The following HTRA1 variants were observed in gnomAD, a reference collection of about 807,000 sequenced individuals.
HTRA1 encodes serine protease HTRA1.
Under a neutral mutation model 49.7 loss-of-function variants are expected in HTRA1, and 26 were observed. The observed-to-expected ratio is 0.52, with a 90% CI of 0.38 to 0.73. The LOEUF (loss-of-function observed/expected upper bound fraction) is 0.73, where lower values mean the gene tolerates loss of function less well. Ranked by LOEUF, HTRA1 falls within the 30% of genes least tolerant of loss-of-function variation. HTRA1 has a pLI of 0.00. For synonymous variants in HTRA1, 291 were observed against 286.9 expected (o/e 1.01, Z -0.14); for missense variants, 561 against 667.2 (o/e 0.84, Z 1.75).
Position 122,506,947 on chromosome 10 carries a change from C to A in HTRA1, c.972+62C>A. 2.8e-6 allele frequency: 4 copies of A among 1,420,174 alleles called. No individual in the cohort carries two copies. Among genetic ancestry groups the A allele is most frequent in the Non-Finnish European group, 3.9e-6 (4 of 1,013,370 alleles). 88.0% of individuals were successfully genotyped at this position (1,420,174 alleles called of 1,614,324 possible). On this transcript the variant is annotated intron_variant, in intron 4 of 8. Coordinates refer to ENST00000368984, the MANE Select transcript of HTRA1 (RefSeq NM_002775.5). This position sits in a 1 kb window ranked among gnomAD's most constrained non-coding sequence, Gnocchi z 5.2. ...AGAGTTTTGCCAGGGGGAGAGGAGTCAGCATAGGTCTTAGCCCCTGACTTT... is the reference window on the plus strand; with the variant it reads ...AGAGTTTTGCCAGGGGGAGAGGAGTAAGCATAGGTCTTAGCCCCTGACTTT...
intron 3 of HTRA1, among the ~76,000 whole-genome samples, chr10:122,492,294 C>T (rs535969625): frequency 4.6e-5 from 7 of 152,186 alleles, no homozygotes; most frequent in Non-Finnish European, 1.0e-4. Context: ...CCTGATTTCA[C>T]TTGGAGGGGC....
At chr10:122,474,589 T>C (rs1051553030) in intron 1 of HTRA1, among the ~76,000 whole-genome samples, 3 of 152,064 alleles carry the variant, frequency 2.0e-5, no homozygotes, top group African/African-American at 7.2e-5. Flanking sequence ...TAACAACCTA[T>C]GTTGAGGAGT....
intron 3 of HTRA1, among the ~76,000 whole-genome samples, chr10:122,504,060 G>A (rs974095533): frequency 6.6e-6 from 1 of 152,168 alleles, no homozygotes; most frequent in Non-Finnish European, 1.5e-5. Context: ...GCTTGCCCAC[G>A]GGGTGCTCTG....
intron 1 of HTRA1, among the ~76,000 whole-genome samples, chr10:122,475,470 A>G (rs1365118996): frequency 6.6e-6 from 1 of 152,256 alleles, no homozygotes; most frequent in Non-Finnish European, 1.5e-5. Flanking sequence ...CTTTGTTTCT[A>G]TGCAAAAGAC....
chr10:122,492,961 T>TGTGA (rs1303866948), intron 3 of HTRA1, among the ~76,000 whole-genome samples: 1 of 152,192 alleles, frequency 6.6e-6, no homozygotes, highest in Non-Finnish European at 1.5e-5. Flanking sequence ...TCTTGCACTT[T>TGTGA]GTGAGTCCAG....
At chr10:122,510,262 T>G (rs2097505012) in intron 7 of HTRA1, 109 bp downstream of exon 7, 1 of 856,222 alleles carries the variant, frequency 1.2e-6, no homozygotes, top group Non-Finnish European at 2.0e-6. Flanking sequence ...TTAAGACGTC[T>G]CAGTTTCTGC....
chr10:122,482,946 A>G lies in HTRA1; in HGVS notation c.473-5956A>G, dbSNP rs553747476. ...AAAAAAAAAAAAAAAAAAAAAGCAC[A>G]TATTCATTTTGTGCTTATTCTTTTG... On this transcript the variant is annotated intron_variant, in intron 1 of 8. Transcript: ENST00000368984. Among the ~76,000 whole-genome samples the G allele has an allele frequency of 6.5e-3, 958 of 148,448 alleles. 10 individuals carry two copies. The highest frequency in any genetic ancestry group is 0.018 in the African/African-American group (741 of 40,126).
intron 1 of HTRA1, among the ~76,000 whole-genome samples, chr10:122,469,055 C>G (rs1393186862): frequency 1.3e-5 from 2 of 152,128 alleles, no homozygotes; most frequent in Non-Finnish European, 2.9e-5. Context: ...CTTGTGCACA[C>G]AAAAGTCTCC....
chr10:122,477,843 A>G (rs1048734376), intron 1 of HTRA1, among the ~76,000 whole-genome samples: 4 of 151,998 alleles, frequency 2.6e-5, no homozygotes, highest in Non-Finnish European at 4.4e-5. Context: ...TTAATTTCCA[A>G]CCTCTGCATG....
chr10:122,506,607 C>T lies in HTRA1; in HGVS notation c.778-84C>T, dbSNP rs1220553209. The T allele has an allele frequency of 1.6e-6, 2 of 1,218,936 alleles. No homozygotes were observed. The highest frequency in any genetic ancestry group is 1.2e-5 in the South Asian group (1 of 82,752). The allele number at this position is 1,218,936 out of a possible 1,614,324, so 75.5% of individuals were successfully genotyped here. On this transcript the variant is annotated intron_variant, in intron 3 of 8. Transcript: ENST00000368984. The surrounding 1 kb of genome is among the most constrained non-coding windows in gnomAD (Gnocchi z 5.2). ...GTTTCCAAATAGCCCGTCACTGTCC[C>T]TGCTTGGTTTTCCATGATATCTGTG...
chr10:122,466,619 G>A (rs1364039690), intron 1 of HTRA1, among the ~76,000 whole-genome samples: 1 of 152,178 alleles, frequency 6.6e-6, no homozygotes, highest in Non-Finnish European at 1.5e-5. Flanking sequence ...ATACAATGGG[G>A]GAAAATACAA....
intron 3 of HTRA1, among the ~76,000 whole-genome samples, 156 bp downstream of exon 3, chr10:122,489,782 C>T (rs1287184674): frequency 1.3e-5 from 2 of 151,416 alleles, no homozygotes; most frequent in African/African-American, 4.9e-5. Context: ...CTGAGTATGG[C>T]CTGGGGGTGT....
intron 1 of HTRA1, among the ~76,000 whole-genome samples, chr10:122,482,252 G>A (rs1204456365): frequency 2.0e-5 from 3 of 152,116 alleles, no homozygotes; most frequent in Non-Finnish European, 4.4e-5. Context: ...AGTCAGATTG[G>A]ACACCACCAT....
chr10:122,462,064 C>T lies in HTRA1; in HGVS notation c.412C>T (p.Arg138Cys). The T allele has an allele frequency of 1.3e-6, 2 of 1,535,964 alleles. No homozygotes were observed. Among genetic ancestry groups the T allele is most frequent in the Non-Finnish European group, 1.7e-6 (2 of 1,147,710 alleles). Residue 138 changes from arginine to cysteine, a missense_variant, in exon 1 of 9, where the codon CGC becomes TGC. By Grantham distance (180) the Arg-to-Cys change is radical. Transcript: ENST00000368984. Reference protein sequence around the residue: ...NLCQLRAASRRSERLHRPPVI... With the variant: ...NLCQLRAASRCSERLHRPPVI... ...GTGCCAGCTGCGCGCCGCCAGCCGCCGCTCCGAGAGGCTGCACCGGCCGCC... is the reference window on the plus strand; with the variant it reads ...GTGCCAGCTGCGCGCCGCCAGCCGCTGCTCCGAGAGGCTGCACCGGCCGCC...
Position 122,494,253 on chromosome 10 carries a change from G to A in HTRA1, c.777+4627G>A, listed in dbSNP as rs2097497453. ...GGCACATCCGGCTGTCGGTCCTCAG[G>A]TAGGAGGTGCTTGGCAACCTTGTTC... On this transcript the variant is annotated intron_variant, in intron 3 of 8. Coordinates refer to ENST00000368984, the MANE Select transcript of HTRA1 (RefSeq NM_002775.5). The surrounding 1 kb of genome is among the most constrained non-coding windows in gnomAD (Gnocchi z 4.0). Among the ~76,000 whole-genome samples the A allele has an allele frequency of 6.6e-6, 1 of 152,156 alleles. No homozygotes were observed. Among genetic ancestry groups the A allele is most frequent in the Non-Finnish European group, 1.5e-5 (1 of 68,036 alleles).
intron 3 of HTRA1, among the ~76,000 whole-genome samples, chr10:122,499,183 A>C (rs764621589): frequency 4.6e-5 from 7 of 152,022 alleles, no homozygotes; most frequent in Admixed American, 6.6e-5. Flanking sequence ...GTGTTGGAGG[A>C]GTGGGACCCT....
chr10:122,478,392 ATTTT>A (rs34977432), intron 1 of HTRA1, among the ~76,000 whole-genome samples: 4 of 119,102 alleles, frequency 3.4e-5, no homozygotes, highest in South Asian at 2.9e-4. Context: ...AGTTTGACAG[ATTTT>A]TTTTTTTTTT....
Position 122,511,441 on chromosome 10 carries a change from C to T in HTRA1, c.1179-529C>T, listed in dbSNP as rs28623277. Among the ~76,000 whole-genome samples the T allele has an allele frequency of 6.9e-3, 1,045 of 152,196 alleles. 14 individuals are homozygous for T. The highest frequency in any genetic ancestry group is 0.023 in the African/African-American group (965 of 41,512). Reference sequence around the variant, plus strand: ...GCTACTATTAATTAAGAAATAATAACAATGATGATGGCTGGGTGCGGTGGC... The same window carrying T: ...GCTACTATTAATTAAGAAATAATAATAATGATGATGGCTGGGTGCGGTGGC... On this transcript the variant is annotated intron_variant, in intron 7 of 8. Transcript: ENST00000368984.
chr10:122,505,931 C>G (rs548875189), intron 3 of HTRA1, among the ~76,000 whole-genome samples: 1 of 152,348 alleles, frequency 6.6e-6, no homozygotes, highest in East Asian at 1.9e-4. Flanking sequence ...GCTTCTGTTC[C>G]ATTTTGTTGT....
Sources: gnomAD v4.1 joint callset for allele counts (sites outside exome capture counted in the v4.1 genomes callset) on GRCh38, gnomAD v4.1.1 for gene constraint, Gnocchi (gnomAD v3.1) non-coding constraint, MANE v1.5 for transcripts, NCBI Gene and HGNC (gene_info 2026-07-23, HGNC 2026-07-21) for gene names.